Variants in STRADA observed in about 807,000 individuals in gnomAD.
The protein encoded by STRADA is STE20-related kinase adapter protein alpha.
STRADA carries 26 observed loss-of-function variants against 55.0 expected under a neutral mutation model. That is an observed-to-expected ratio of 0.47 (90% CI 0.35 to 0.66). The LOEUF (loss-of-function observed/expected upper bound fraction) is 0.66. STRADA is among the 30% of genes least tolerant of loss of function. The pLI is 0.01. For synonymous variants in STRADA, 197 were observed against 210.9 expected (o/e 0.93, Z 0.57); for missense variants, 443 against 549.7 (o/e 0.81, Z 1.94).
intron 4 of STRADA, chr17:63,715,164 G>A (rs1355143583): frequency 6.6e-6 from 1 of 152,142 alleles, no homozygotes; most frequent in Non-Finnish European, 1.5e-5. Context: ...TTTGGGAAGC[G>A]GCTCTGCAGA....
intron 3 of STRADA, among the ~76,000 whole-genome samples, chr17:63,724,351 C>G (rs912356612): frequency 7.9e-5 from 12 of 152,004 alleles, no homozygotes; most frequent in African/African-American, 2.9e-4. Flanking sequence ...CCATGTTGGC[C>G]AGGCTGGTCT....
intron 8 of STRADA, among the ~76,000 whole-genome samples, chr17:63,709,122 C>T (rs1415694656): frequency 4.6e-5 from 7 of 152,210 alleles, no homozygotes; most frequent in Non-Finnish European, 8.8e-5. Flanking sequence ...GACATCCAAA[C>T]ATGTCCCCTG....
At chr17:63,722,497 T>G (rs575871481) in intron 4 of STRADA, among the ~76,000 whole-genome samples, 1 of 152,232 alleles carries the variant, frequency 6.6e-6, no homozygotes, top group South Asian at 2.1e-4. Flanking sequence ...GGAAAGCATT[T>G]GGATCTGATA....
chr17:63,713,412 G>C lies in STRADA; in HGVS notation c.342C>G (p.Phe114Leu). Reference sequence around the variant, plus strand: ...CACACTCATGGTTTATTACCTGCAAGAATGTTACCATCTCATTGGAACAAG... The same window carrying C: ...CACACTCATGGTTTATTACCTGCAACAATGTTACCATCTCATTGGAACAAG... Reference protein sequence around the residue: ...LEACSNEMVTFLQGELHVSKL... With the variant: ...LEACSNEMVTLLQGELHVSKL... Residue 114 changes from phenylalanine (F) to leucine (L), a missense_variant, in exon 6 of 13, where the codon TTC becomes TTG. Physicochemically the swap from Phe to Leu is conservative, Grantham distance 22. Coordinates refer to ENST00000336174, the MANE Select transcript of STRADA (RefSeq NM_001003787.4). 1 of 1,613,746 alleles carries C rather than the reference G, an allele frequency of 6.2e-7. No homozygotes were observed. The highest frequency in any genetic ancestry group is 8.5e-7 in the Non-Finnish European group (1 of 1,179,894).
At chr17:63,715,620 G>C (rs532360788) in intron 4 of STRADA, 2 of 152,098 alleles carry the variant, frequency 1.3e-5, no homozygotes, top group Non-Finnish European at 2.9e-5. Flanking sequence ...ATTATTGGCT[G>C]TATGTGGTTT....
chr17:63,710,650 A>G (rs757589362), intron 7 of STRADA, 36 bp from the exon 8 acceptor site: 13 of 1,614,048 alleles, frequency 8.1e-6, no homozygotes, highest in Non-Finnish European at 1.1e-5. Flanking sequence ...AGTGAAAGGT[A>G]ATGGAGGAGG....
Position 63,704,540 on chromosome 17 carries a change from C to G in STRADA, c.901G>C (p.Asp301His). The G allele has an allele frequency of 6.3e-7, 1 of 1,583,360 alleles. No homozygotes were observed. The highest frequency in any genetic ancestry group is 8.6e-7 in the Non-Finnish European group (1 of 1,164,784). ...KLNGTVPCLL[D>H]TSTIPAEELT... ...TCCTCAGCGGGGATGGTGCTGGTAT[C>G]CAACAGGCAGGGCACTGTGCCGTTC... Residue 301 changes from aspartate to histidine, a missense_variant, in exon 11 of 13, where the codon GAT becomes CAT. Asp to His is a moderately conservative substitution (Grantham distance 81, BLOSUM62 -1). Coordinates refer to ENST00000336174, the MANE Select transcript of STRADA (RefSeq NM_001003787.4).
chr17:63,711,018 G>C (rs1222505962), intron 6 of STRADA, 182 bp from the exon 7 acceptor site: 1 of 598,074 alleles, frequency 1.7e-6, no homozygotes, highest in East Asian at 2.8e-5. Flanking sequence ...GCCTCTGCAG[G>C]GACCCAGCAC....
intron 1 of STRADA, among the ~76,000 whole-genome samples, chr17:63,740,147 T>TATACACACAC (rs1401201419): frequency 1.8e-4 from 12 of 67,006 alleles, no homozygotes; most frequent in African/African-American, 8.3e-4. Context: ...TATATATATA[T>TATACACACAC]ACACACACAC....
chr17:63,725,198 C>T (rs2037562306), intron 3 of STRADA, among the ~76,000 whole-genome samples: 1 of 152,086 alleles, frequency 6.6e-6, no homozygotes, highest in South Asian at 2.1e-4. Flanking sequence ...TGCCACTGCA[C>T]TCCAGCTTGA....
At chr17:63,712,931 G>GT (rs1180508752) in intron 6 of STRADA, among the ~76,000 whole-genome samples, 1 of 151,578 alleles carries the variant, frequency 6.6e-6, no homozygotes, top group Non-Finnish European at 1.5e-5. Flanking sequence ...AACCTGGGAG[G>GT]TGGGGGTTGC....
Position 63,722,008 on chromosome 17 carries a change from G to A in STRADA, c.123+1290C>T, listed in dbSNP as rs561460829. Among the ~76,000 whole-genome samples the A allele has an allele frequency of 3.9e-5, 6 of 152,286 alleles. No homozygotes were observed. The East Asian group carries it at 7.7e-4, about 20-fold the overall frequency. ...TCTGACATTGCCACAAGAAACGCAG[G>A]TTAGTTCATCACACTGTTTCAGTTT... On this transcript the variant is annotated intron_variant, in intron 4 of 12. Transcript: ENST00000336174.
At chr17:63,738,282 A>G (rs1226087599) in intron 1 of STRADA, among the ~76,000 whole-genome samples, 5 of 144,602 alleles carry the variant, frequency 3.5e-5, no homozygotes, top group Non-Finnish European at 7.5e-5. Flanking sequence ...CGGAGGTTGT[A>G]GTGAGCCGAG....
rs575024242 is a variant in STRADA at position 63,704,805 on chromosome 17, G to T, written c.859-223C>A. On this transcript the variant is annotated intron_variant, in intron 10 of 12. Transcript: ENST00000336174. ...GCCAGGCCAACGTGAAAGGAGAGGGGTTGCACAAAAGTACCCGCTTTCGCC... is the reference window on the plus strand; with the variant it reads ...GCCAGGCCAACGTGAAAGGAGAGGGTTTGCACAAAAGTACCCGCTTTCGCC... 1.0e-4 allele frequency: 158 copies of T among 1,534,854 alleles called. 1 individual carries two copies. Among genetic ancestry groups the T allele is most frequent in the Middle Eastern group, 5.9e-4 (3 of 5,058 alleles).
intron 8 of STRADA, among the ~76,000 whole-genome samples, chr17:63,709,103 G>C (rs1598168064): frequency 1.3e-5 from 2 of 152,314 alleles, no homozygotes; most frequent in South Asian, 4.1e-4. Flanking sequence ...CAACACACGT[G>C]TGAATGGTGA....
chr17:63,735,930 G>T (rs780706594), intron 1 of STRADA, among the ~76,000 whole-genome samples: 12 of 152,146 alleles, frequency 7.9e-5, no homozygotes, highest in Non-Finnish European at 1.3e-4. Flanking sequence ...CCAGTCAGCA[G>T]CTTTTCTATT....
chr17:63,735,094 G>C (rs2038322823), intron 1 of STRADA, among the ~76,000 whole-genome samples: 1 of 152,234 alleles, frequency 6.6e-6, no homozygotes, highest in East Asian at 1.9e-4. Flanking sequence ...GGGAGAGGTT[G>C]CAGTGGGCCG....
intron 2 of STRADA, 87 bp downstream of exon 2, chr17:63,728,247 G>A (rs2137144): frequency 0.63 from 844,235 of 1,350,190 alleles, 267,044 homozygotes; most frequent in African/African-American, 0.84. Context: ...CGACCCTCAC[G>A]TAGAAAACCA....
In STRADA at chr17:63,714,447, T is replaced by G. The variant is rs138071745; in HGVS notation, c.124-339A>C. 3.7e-4 allele frequency: 123 copies of G among 328,814 alleles called. 2 individuals carry two copies. Among genetic ancestry groups the G allele is most frequent in the African/African-American group, 1.8e-3 (82 of 46,610 alleles). 20.4% of individuals were successfully genotyped at this position (328,814 alleles called of 1,614,324 possible). A position where few individuals can be genotyped will look rare whatever the true frequency, so the allele number is the denominator to read the frequency against. On this transcript the variant is annotated intron_variant, in intron 4 of 12. Coordinates refer to ENST00000336174, the MANE Select transcript of STRADA (RefSeq NM_001003787.4). ...GGATGTCTAGAGAATGAAAGCATGTTTGGAAAAGAGAAGCAGGTGGAGAGG... is the reference window on the plus strand; with the variant it reads ...GGATGTCTAGAGAATGAAAGCATGTGTGGAAAAGAGAAGCAGGTGGAGAGG...
Sources: gnomAD v4.1 joint callset for allele counts (sites outside exome capture counted in the v4.1 genomes callset) on GRCh38, gnomAD v4.1.1 for gene constraint, MANE v1.5 for transcripts, NCBI Gene and HGNC (gene_info 2026-07-23, HGNC 2026-07-21) for gene names.